HECW1: variants seen among roughly 807,000 people sequenced by gnomAD.
The protein encoded by HECW1 is E3 ubiquitin-protein ligase HECW1.
In HECW1, 61 loss-of-function variants were observed where a neutral mutation model predicts 182.3. The observed-to-expected ratio is 0.33, with a 90% CI of 0.27 to 0.41. The LOEUF (loss-of-function observed/expected upper bound fraction) is 0.41. Among genes scored for constraint, HECW1 ranks in the 10% least tolerant of loss-of-function variants. The pLI, the probability that HECW1 is intolerant of heterozygous loss-of-function variation, is 1.00. For synonymous variants in HECW1, 859 were observed against 832.6 expected (o/e 1.03, Z -0.55); for missense variants, 1,739 against 2,108.9 (o/e 0.82, Z 3.44).
At chr7:43,198,769 TCTCACA>T (rs147868025) in intron 2 of HECW1, among the ~76,000 whole-genome samples, 6,972 of 139,882 alleles carry the variant, frequency 0.05, 254 homozygotes, top group East Asian at 0.15. Context: ...TTGCACACTC[TCTCACA>T]CACACTCCAC....
In HECW1 at chr7:43,508,032, G is replaced by A; in HGVS notation, c.3767G>A (p.Arg1256Gln). The change falls in exon 23 of 30, where the codon CGG becomes CAG. Residue 1256 changes from arginine (R) to glutamine (Q), a missense_variant. Around this residue, in one of 5 missense-constraint regions of HECW1, gnomAD observed 420 missense variants for 595.7 expected, o/e 0.71. Coordinates refer to ENST00000395891, the MANE Select transcript of HECW1 (RefSeq NM_015052.5). ...GPGKIKLIIR[R>Q]DHLLEGTFNQ... The stretch of plus-strand genomic sequence containing the variant: ...CTCCTTCTCAGGCTCATTATTCGCC[G>A]GGATCATTTGTTGGAGGGAACCTTC... 6.2e-7 allele frequency: 1 copy of A among 1,613,438 alleles called. No individual in the cohort carries two copies. The highest frequency in any genetic ancestry group is 1.1e-5 in the South Asian group (1 of 91,060).
At chr7:43,354,345 G>A (rs1284713522) in intron 5 of HECW1, among the ~76,000 whole-genome samples, 1 of 152,112 alleles carries the variant, frequency 6.6e-6, no homozygotes, top group African/African-American at 2.4e-5. Context: ...CAATGAGACA[G>A]CAATACGTGT....
intron 2 of HECW1, among the ~76,000 whole-genome samples, chr7:43,155,231 C>CT (rs1789748960): frequency 3.3e-5 from 5 of 152,302 alleles, no homozygotes; most frequent in African/African-American, 1.2e-4. Flanking sequence ...TGTAAATGTC[C>CT]TTATGAAGAC....
At chr7:43,349,917 T>C (rs1243766005) in intron 5 of HECW1, among the ~76,000 whole-genome samples, 1 of 152,220 alleles carries the variant, frequency 6.6e-6, no homozygotes, top group Non-Finnish European at 1.5e-5. Context: ...ACTTTGTTTT[T>C]GTTTTTATGC....
At chr7:43,171,833 A>G (rs940629151) in intron 2 of HECW1, among the ~76,000 whole-genome samples, 2 of 152,074 alleles carry the variant, frequency 1.3e-5, no homozygotes, top group African/African-American at 4.8e-5. Context: ...TAAAAGTAAA[A>G]TGCTTTTGGG....
intron 6 of HECW1, among the ~76,000 whole-genome samples, chr7:43,362,330 C>T (rs1816063949): frequency 1.3e-5 from 2 of 152,162 alleles, no homozygotes; most frequent in African/African-American, 4.8e-5. Context: ...AGCCTGGCTG[C>T]CTCCATCCTC....
At chr7:43,315,847 A>G (rs1021546174) in intron 4 of HECW1, among the ~76,000 whole-genome samples, 1 of 152,124 alleles carries the variant, frequency 6.6e-6, no homozygotes, top group Non-Finnish European at 1.5e-5. Flanking sequence ...GAATCCTGGG[A>G]GATTTTTTCC....
chr7:43,270,194 T>G (rs958561850), intron 3 of HECW1, among the ~76,000 whole-genome samples: 1 of 152,238 alleles, frequency 6.6e-6, no homozygotes, highest in Admixed American at 6.5e-5. Context: ...TTTAATAGTC[T>G]CTCGTGGTTT....
chr7:43,349,638 GC>G (rs1405379314), intron 5 of HECW1, among the ~76,000 whole-genome samples: 2 of 152,170 alleles, frequency 1.3e-5, no homozygotes, highest in African/African-American at 4.8e-5. Flanking sequence ...AAACACTGGT[GC>G]TTTAAAGTTT....
At chr7:43,143,255 G>A (rs1788357971) in intron 2 of HECW1, among the ~76,000 whole-genome samples, 2 of 152,112 alleles carry the variant, frequency 1.3e-5, no homozygotes, top group African/African-American at 4.8e-5. Flanking sequence ...ACAGGGGTGA[G>A]CCACTGTGCC....
intron 17 of HECW1, among the ~76,000 whole-genome samples, chr7:43,481,499 C>A (rs568739932): frequency 6.6e-6 from 1 of 152,250 alleles, no homozygotes; most frequent in African/African-American, 2.4e-5. Context: ...AGAAATTAGT[C>A]TGAAATGTAA....
chr7:43,554,921 A>G, intron 29 of HECW1, 131 bp downstream of exon 29: 1 of 827,482 alleles, frequency 1.2e-6, no homozygotes, highest in South Asian at 1.8e-5. Context: ...CATTGGAGTT[A>G]TTAGGGAAAG....
intron 9 of HECW1, chr7:43,439,461 CT>C (rs1006970806): frequency 3.3e-5 from 5 of 152,354 alleles, no homozygotes; most frequent in Non-Finnish European, 7.3e-5. Flanking sequence ...GTGGGCCATG[CT>C]TTTCATTTCT....
intron 3 of HECW1, among the ~76,000 whole-genome samples, chr7:43,289,209 T>A (rs894554233): frequency 1.3e-5 from 2 of 151,824 alleles, no homozygotes; most frequent in Middle Eastern, 3.4e-3. Context: ...CTGGTTCAAG[T>A]GATTCTCCTG....
At chr7:43,138,476 G>A (rs933170318) in intron 2 of HECW1, among the ~76,000 whole-genome samples, 5 of 152,152 alleles carry the variant, frequency 3.3e-5, no homozygotes, top group Non-Finnish European at 5.9e-5. Flanking sequence ...GTTGAGGGTC[G>A]CTTTGGGGGA....
chr7:43,430,674 TAGAA>T (rs1485673787), intron 8 of HECW1, among the ~76,000 whole-genome samples: 1 of 152,142 alleles, frequency 6.6e-6, no homozygotes, highest in Non-Finnish European at 1.5e-5. Flanking sequence ...TGTTTATAAT[TAGAA>T]AGAGCCTTTC....
chr7:43,397,219 C>A (rs1359403528), intron 7 of HECW1, among the ~76,000 whole-genome samples: 3 of 152,096 alleles, frequency 2.0e-5, no homozygotes, highest in African/African-American at 7.2e-5. Flanking sequence ...AGCAGCTATT[C>A]AACTCTTTGT....
intron 2 of HECW1, among the ~76,000 whole-genome samples, chr7:43,217,051 C>T (rs780679748): frequency 6.6e-5 from 10 of 151,762 alleles, no homozygotes; most frequent in Non-Finnish European, 1.0e-4. Flanking sequence ...AGAGTGCTTT[C>T]GGACACCATT....
intron 23 of HECW1, among the ~76,000 whole-genome samples, chr7:43,508,516 A>G (rs1368478664): frequency 6.6e-6 from 1 of 152,214 alleles, no homozygotes; most frequent in African/African-American, 2.4e-5. Flanking sequence ...CACCTCAACC[A>G]TGAAGGGCAA....
Sources: gnomAD v4.1 joint callset for allele counts (sites outside exome capture counted in the v4.1 genomes callset) on GRCh38, gnomAD v4.1.1 for gene constraint, gnomAD v4.1.1 regional missense constraint, MANE v1.5 for transcripts, NCBI Gene and HGNC (gene_info 2026-07-23, HGNC 2026-07-21) for gene names.